The following MED13L variants were observed in gnomAD, a reference collection of about 807,000 sequenced individuals.
The protein encoded by MED13L is mediator complex subunit 13L.
In MED13L, 7 loss-of-function variants were observed where a neutral mutation model predicts 220.9. The observed-to-expected ratio is 0.03, with a 90% CI of 0.02 to 0.06. The LOEUF (loss-of-function observed/expected upper bound fraction) is 0.06. Among genes scored for constraint, MED13L ranks in the 10% least tolerant of loss-of-function variants. MED13L has a pLI of 1.00. For missense variants in MED13L, 1,965 were observed against 2,760.5 expected, an observed-to-expected ratio of 0.71 and a Z score of 6.46; for synonymous variants, 1,011 against 1,015.2, an observed-to-expected ratio of 1.00 and a Z score of 0.08.
rs993124524 is a variant in MED13L, at chr12:115,961,220, T to A, written c.*46A>T. The A allele has an allele frequency of 6.2e-7, 1 of 1,611,284 alleles. No homozygotes were observed. The highest frequency in any genetic ancestry group is 1.3e-5 in the African/African-American group (1 of 74,858). On this transcript the variant is annotated 3_prime_UTR_variant, in exon 31 of 31. Coordinates refer to ENST00000281928, the MANE Select transcript of MED13L (RefSeq NM_015335.5). ...GTGTAGCAGGTTCCTTGGACTGAGGTTGCAGGGAGAAGGAACTGAGCCAGA... is the reference window on the plus strand; with the variant it reads ...GTGTAGCAGGTTCCTTGGACTGAGGATGCAGGGAGAAGGAACTGAGCCAGA...
chr12:116,206,556 A>G (rs867135448), intron 2 of MED13L, among the ~76,000 whole-genome samples: 2 of 152,242 alleles, frequency 1.3e-5, no homozygotes, highest in African/African-American at 4.8e-5. Flanking sequence ...ATAGACGGGG[A>G]AAAAAAGGTA....
chr12:116,185,448 T>C (rs1263439730), intron 2 of MED13L, among the ~76,000 whole-genome samples: 5 of 152,064 alleles, frequency 3.3e-5, no homozygotes, highest in Non-Finnish European at 7.4e-5. Flanking sequence ...TAAAAGATCT[T>C]TGTAAGACTA....
intron 2 of MED13L, among the ~76,000 whole-genome samples, chr12:116,207,691 T>C (rs920139884): frequency 6.6e-6 from 1 of 151,902 alleles, no homozygotes; most frequent in African/African-American, 2.4e-5. Context: ...TACAGACAGA[T>C]ATAAGAATGA....
intron 14 of MED13L, among the ~76,000 whole-genome samples, chr12:115,999,340 G>A (rs906240970): frequency 4.0e-5 from 6 of 151,794 alleles, no homozygotes; most frequent in East Asian, 3.9e-4. Flanking sequence ...GCAGTGAGCC[G>A]AGATCTCGCC....
intron 1 of MED13L, among the ~76,000 whole-genome samples, chr12:116,270,765 G>A (rs900729814): frequency 1.3e-5 from 2 of 151,846 alleles, no homozygotes; most frequent in East Asian, 3.9e-4. Context: ...ATTATCAGCC[G>A]GGCGCGGTGG....
At chr12:116,270,391 C>T (rs1354258514) in intron 1 of MED13L, among the ~76,000 whole-genome samples, 1 of 152,116 alleles carries the variant, frequency 6.6e-6, no homozygotes, top group Non-Finnish European at 1.5e-5. Context: ...ATCCGCCTGC[C>T]TTGGCCTCCC....
chr12:116,002,446 T>C (rs1023066675), intron 14 of MED13L, among the ~76,000 whole-genome samples: 4 of 152,190 alleles, frequency 2.6e-5, no homozygotes, highest in Admixed American at 6.5e-5. Flanking sequence ...CCCTTTTTTT[T>C]CCTCTTGTAG....
At chr12:116,188,609 T>C (rs976648965) in intron 2 of MED13L, among the ~76,000 whole-genome samples, 5 of 152,184 alleles carry the variant, frequency 3.3e-5, no homozygotes, top group African/African-American at 1.2e-4. Context: ...TTCCCAATGC[T>C]AACTCTTCCA....
intron 2 of MED13L, chr12:116,232,222 T>C (rs561521323): frequency 1.4e-6 from 1 of 719,510 alleles, no homozygotes; most frequent in Non-Finnish European, 1.7e-6. Flanking sequence ...ACTGCCAATC[T>C]ACCCCTGCAC....
At chr12:115,990,446 T>C (rs1202283287) in intron 17 of MED13L, among the ~76,000 whole-genome samples, 1 of 152,168 alleles carries the variant, frequency 6.6e-6, no homozygotes, top group Non-Finnish European at 1.5e-5. Context: ...GTTTAGGCAG[T>C]GAATGAGTAA....
chr12:116,261,576 T>C (rs908999220), intron 1 of MED13L, among the ~76,000 whole-genome samples: 1 of 152,142 alleles, frequency 6.6e-6, no homozygotes, highest in Non-Finnish European at 1.5e-5. Flanking sequence ...TACTCCTTGC[T>C]TTAAAACTTT....
intron 4 of MED13L, among the ~76,000 whole-genome samples, chr12:116,043,199 A>C (rs1431394070): frequency 6.6e-6 from 1 of 152,190 alleles, no homozygotes; most frequent in Non-Finnish European, 1.5e-5. Context: ...TCCCTTCTGC[A>C]TCAATTATGC....
chr12:116,124,476 T>C (rs1875408549), intron 2 of MED13L, among the ~76,000 whole-genome samples: 1 of 152,198 alleles, frequency 6.6e-6, no homozygotes, highest in African/African-American at 2.4e-5. Context: ...TATCCTTTTT[T>C]CCATTATCTT....
chr12:116,265,279 C>T (rs1210477572), intron 1 of MED13L, among the ~76,000 whole-genome samples: 1 of 152,192 alleles, frequency 6.6e-6, no homozygotes, highest in African/African-American at 2.4e-5. Flanking sequence ...TATACCTTCA[C>T]AACTTAAAAG....
At chr12:116,027,670 T>C (rs1200239486) in intron 4 of MED13L, among the ~76,000 whole-genome samples, 1 of 152,134 alleles carries the variant, frequency 6.6e-6, no homozygotes, top group Admixed American at 6.5e-5. Context: ...TGCTTCCATG[T>C]GTCATATTTG....
At chr12:116,124,146 G>GAGAGAGAGACAGAGAC (rs1555213747) in intron 2 of MED13L, among the ~76,000 whole-genome samples, 3 of 148,174 alleles carry the variant, frequency 2.0e-5, no homozygotes, top group Admixed American at 6.7e-5. Context: ...GAGAGAGAGA[G>GAGAGAGAGACAGAGAC]AGAGACAGAG....
chr12:115,991,327 A>G lies in MED13L; in HGVS notation c.3627T>C (p.Leu1209=). 6.2e-7 allele frequency: 1 copy of G among 1,613,956 alleles called. No individual in the cohort carries two copies. The highest frequency in any genetic ancestry group is 8.5e-7 in the Non-Finnish European group (1 of 1,180,004). The change falls in exon 17 of 31, where the codon CTT becomes CTC. Residue 1209 remains leucine (L), a synonymous_variant. Coordinates refer to ENST00000281928, the MANE Select transcript of MED13L (RefSeq NM_015335.5). This position sits in a 1 kb window ranked among gnomAD's most constrained non-coding sequence, Gnocchi z 7.7. Reference sequence around the variant, plus strand: ...GTTTTTTGGTTCCTTCCACCTGAGGAAGGAAGGTGGACTGACACATCATTA... The same window carrying G: ...GTTTTTTGGTTCCTTCCACCTGAGGGAGGAAGGTGGACTGACACATCATTA... ...RRLMMCQSTF[L]PQVEGTKKPQ...
intron 4 of MED13L, among the ~76,000 whole-genome samples, chr12:116,022,885 T>A (rs889397333): frequency 1.3e-5 from 2 of 152,188 alleles, no homozygotes; most frequent in Non-Finnish European, 2.9e-5. Flanking sequence ...TATAAACACC[T>A]AAGAACAGAG....
intron 1 of MED13L, among the ~76,000 whole-genome samples, chr12:116,240,819 G>A (rs1345495362): frequency 2.0e-5 from 3 of 151,022 alleles, no homozygotes. Context: ...GAGCCACCAC[G>A]CCCGGACATC....
Sources: allele counts gnomAD v4.1 joint callset (sites outside exome capture counted in the v4.1 genomes callset), GRCh38; gene constraint gnomAD v4.1.1; non-coding constraint Gnocchi (gnomAD v3.1); transcripts MANE v1.5; gene names NCBI Gene and HGNC (gene_info 2026-07-23, HGNC 2026-07-21).